The following SERGEF variants were observed in gnomAD, a reference collection of about 807,000 sequenced individuals.
The protein encoded by SERGEF is secretion regulating guanine nucleotide exchange factor.
SERGEF carries 51 observed loss-of-function variants against 50.0 expected under a neutral mutation model. That is an observed-to-expected ratio of 1.02 (90% confidence interval 0.81 to 1.29). The LOEUF is 1.29. Ranked by LOEUF, SERGEF falls within the 50% of genes most tolerant of loss-of-function variation. The probability of loss-of-function intolerance (pLI) is 0.00; values close to 1 mark genes in which losing one functional copy is unlikely to be tolerated. For synonymous variants in SERGEF, 205 were observed against 212.4 expected, an observed-to-expected ratio of 0.97 and a Z score of 0.30; for missense variants, 521 against 557.0, an observed-to-expected ratio of 0.94 and a Z score of 0.65.
chr11:18,000,683 C>G (rs569008157), intron 4 of SERGEF, 126 bp from the exon 5 acceptor site: 10 of 741,206 alleles, frequency 1.3e-5, no homozygotes, highest in Non-Finnish European at 2.2e-5. Context: ...GCAACCACTC[C>G]CCCCAATATT....
intron 9 of SERGEF, among the ~76,000 whole-genome samples, chr11:17,896,553 GGGGAAGGGAAGGGAAGGGGAA>G (rs1565197765): frequency 4.5e-4 from 49 of 108,340 alleles, no homozygotes; most frequent in African/African-American, 1.7e-3. Flanking sequence ...GGGAAGGGAA[GGGGAAGGGAAGGGAAGGGGAA>G]GGGAAGGGAA....
Position 17,888,671 on chromosome 11 carries a change from ACACACACG to A in SERGEF, c.1012-10435_1012-10428del, listed in dbSNP as rs1020696952. On this transcript the variant is annotated intron_variant, in intron 9 of 10. Transcript: ENST00000265965. This position sits in a 1 kb window ranked among gnomAD's most constrained non-coding sequence, Gnocchi z 4.1. ...CACACACACACACACACACACACAC[ACACACACG>A]CATTGAGTTAAACCAACATGAAATT... is the stretch of plus-strand genomic sequence containing the variant. 6.4e-5 allele frequency among the ~76,000 whole-genome samples: 9 copies of A among 139,648 alleles called. No homozygotes were observed. The highest frequency in any genetic ancestry group is 2.1e-4 in the East Asian group (1 of 4,854). 91.6% of individuals were successfully genotyped at this position (139,648 alleles called of 152,430 possible). A position where few individuals can be genotyped will look rare whatever the true frequency, so the allele number is the denominator to read the frequency against.
intron 10 of SERGEF, among the ~76,000 whole-genome samples, chr11:17,825,861 G>C (rs1021242822): frequency 1.3e-5 from 2 of 152,168 alleles, no homozygotes; most frequent in African/African-American, 4.8e-5. Context: ...GATGAAGTCA[G>C]TACACCTCAC....
At chr11:17,956,974 TGCCTAG>T (rs1852887343) in intron 9 of SERGEF, among the ~76,000 whole-genome samples, 1 of 152,180 alleles carries the variant, frequency 6.6e-6, no homozygotes, top group Non-Finnish European at 1.5e-5. Context: ...AGCAAATACA[TGCCTAG>T]CAGGCCAGAC....
At chr11:17,928,083 T>C (rs1429115737) in intron 9 of SERGEF, among the ~76,000 whole-genome samples, 2 of 152,200 alleles carry the variant, frequency 1.3e-5, no homozygotes, top group African/African-American at 4.8e-5. Context: ...AAATACTAAT[T>C]ATGCACGGAA....
chr11:17,914,771 ATTTTAT>A, intron 9 of SERGEF, among the ~76,000 whole-genome samples: 1 of 152,260 alleles, frequency 6.6e-6, no homozygotes, highest in South Asian at 2.1e-4. Flanking sequence ...TTTCATACAT[ATTTTAT>A]TTTTAAAGTA....
At chr11:17,983,003 C>T (rs1853522098) in intron 8 of SERGEF, among the ~76,000 whole-genome samples, 1 of 152,292 alleles carries the variant, frequency 6.6e-6, no homozygotes, top group South Asian at 2.1e-4. Context: ...GAGGAAGTTG[C>T]TTCTTCCATC....
At chr11:17,897,809 T>C (rs1590184892) in intron 9 of SERGEF, among the ~76,000 whole-genome samples, 1 of 152,206 alleles carries the variant, frequency 6.6e-6, no homozygotes, top group African/African-American at 2.4e-5. Flanking sequence ...CTGCCTCCAC[T>C]TGTACCTTCA....
At chr11:17,893,397 T>A (rs938155149) in intron 9 of SERGEF, among the ~76,000 whole-genome samples, 6 of 152,164 alleles carry the variant, frequency 3.9e-5, no homozygotes, top group African/African-American at 1.2e-4. Flanking sequence ...TTAAATGAGA[T>A]CAAATATGCT....
At chr11:17,911,394 C>T (rs1414388049) in intron 9 of SERGEF, among the ~76,000 whole-genome samples, 1 of 147,228 alleles carries the variant, frequency 6.8e-6, no homozygotes, top group Admixed American at 6.8e-5. Flanking sequence ...TATATACACA[C>T]ATATATATAC....
intron 5 of SERGEF, among the ~76,000 whole-genome samples, chr11:17,996,194 T>C (rs1853834276): frequency 6.6e-6 from 1 of 152,124 alleles, no homozygotes; most frequent in African/African-American, 2.4e-5. Context: ...GTCAAATCAG[T>C]GGAATGACAC....
chr11:18,011,139 C>G (rs1854187679), intron 1 of SERGEF, among the ~76,000 whole-genome samples: 1 of 141,128 alleles, frequency 7.1e-6, no homozygotes, highest in African/African-American at 2.7e-5. Flanking sequence ...TGCACACATA[C>G]ACACACACAC....
At chr11:17,924,651 G>A (rs1852217344) in intron 9 of SERGEF, among the ~76,000 whole-genome samples, 1 of 151,124 alleles carries the variant, frequency 6.6e-6, no homozygotes. Context: ...CAGTGGGGGT[G>A]CGGGGGGTGA....
At chr11:17,895,442 C>G (rs1020920325) in intron 9 of SERGEF, among the ~76,000 whole-genome samples, 10 of 152,194 alleles carry the variant, frequency 6.6e-5, no homozygotes, top group African/African-American at 2.4e-4. Flanking sequence ...TTCCTAGGCA[C>G]AGCCCGACAA....
chr11:17,799,500 G>A (rs983525449), intron 10 of SERGEF, among the ~76,000 whole-genome samples: 1 of 152,208 alleles, frequency 6.6e-6, no homozygotes, highest in Non-Finnish European at 1.5e-5. Context: ...GTGGAGGAAT[G>A]GATGCCATTC....
At chr11:17,842,954 A>G (rs1391967319) in intron 10 of SERGEF, among the ~76,000 whole-genome samples, 1 of 152,310 alleles carries the variant, frequency 6.6e-6, no homozygotes, top group African/African-American at 2.4e-5. Flanking sequence ...TAGCCCTGAG[A>G]ACCAACCATA....
chr11:17,988,186 A>C (rs1474228015), intron 8 of SERGEF, among the ~76,000 whole-genome samples: 1 of 152,252 alleles, frequency 6.6e-6, no homozygotes, highest in Non-Finnish European at 1.5e-5. Context: ...GCTATGAATC[A>C]AAATAATGTT....
At chr11:17,830,525 C>G (rs1590140997) in intron 10 of SERGEF, among the ~76,000 whole-genome samples, 1 of 146,400 alleles carries the variant, frequency 6.8e-6, no homozygotes, top group East Asian at 2.0e-4. Flanking sequence ...TGGTAGATGG[C>G]AAGAGAGTGA....
At chr11:17,970,130 T>C (rs1040053232) in intron 8 of SERGEF, among the ~76,000 whole-genome samples, 9 of 152,246 alleles carry the variant, frequency 5.9e-5, no homozygotes, top group African/African-American at 1.4e-4. Flanking sequence ...GTTTTTGTTT[T>C]GTTTTTTACA....
Sources: allele counts gnomAD v4.1 joint callset (sites outside exome capture counted in the v4.1 genomes callset), GRCh38; gene constraint gnomAD v4.1.1; non-coding constraint Gnocchi (gnomAD v3.1); transcripts MANE v1.5; gene names NCBI Gene and HGNC (gene_info 2026-07-23, HGNC 2026-07-21).